ZNF644: variants seen among roughly 807,000 people sequenced by gnomAD.
ZNF644 encodes the protein zinc finger protein 644.
A neutral mutation model predicts 108.0 loss-of-function variants in ZNF644; 20 were observed. That is an observed-to-expected ratio of 0.19 (90% CI 0.13 to 0.27). The LOEUF is 0.27. ZNF644 is among the 10% of genes least tolerant of loss of function. The pLI, the probability that ZNF644 is intolerant of heterozygous loss-of-function variation, is 1.00. For missense variants in ZNF644, 1,338 were observed against 1,548.9 expected (o/e 0.86, Z 2.29); for synonymous variants, 542 against 539.1 (o/e 1.01, Z -0.08).
chr1:90,972,145 T>C (rs1469846862), intron 2 of ZNF644, among the ~76,000 whole-genome samples: 9 of 152,140 alleles, frequency 5.9e-5, no homozygotes, highest in East Asian at 3.9e-4. Context: ...CAAAGACTAA[T>C]TGAACTTTGT....
At chr1:90,993,645 G>C (rs1009483255) in intron 1 of ZNF644, among the ~76,000 whole-genome samples, 1 of 152,046 alleles carries the variant, frequency 6.6e-6, no homozygotes, top group Non-Finnish European at 1.5e-5. Flanking sequence ...TGAAGACAAG[G>C]GGGGAAAAAG....
At chr1:91,009,620 TA>T (rs1424352540) in intron 1 of ZNF644, among the ~76,000 whole-genome samples, 1 of 152,200 alleles carries the variant, frequency 6.6e-6, no homozygotes, top group African/African-American at 2.4e-5. Context: ...TAATGTCTCT[TA>T]AGCCATGGCT....
chr1:90,924,808 C>T (rs1316252808), intron 4 of ZNF644, among the ~76,000 whole-genome samples: 1 of 151,834 alleles, frequency 6.6e-6, no homozygotes, highest in East Asian at 1.9e-4. Flanking sequence ...CCTTGGATAA[C>T]AAGAATTAAC....
chr1:90,989,204 C>T (rs1657399325), intron 1 of ZNF644, among the ~76,000 whole-genome samples: 1 of 152,012 alleles, frequency 6.6e-6, no homozygotes, highest in African/African-American at 2.4e-5. Flanking sequence ...AAAAATGGGC[C>T]AAGTACTTCA....
chr1:90,966,301 A>T (rs1570453621), intron 2 of ZNF644, among the ~76,000 whole-genome samples: 1 of 152,258 alleles, frequency 6.6e-6, no homozygotes, highest in East Asian at 1.9e-4. Flanking sequence ...CTAACACCTG[A>T]TACATTATTA....
chr1:90,936,370 A>G (rs1651320017), intron 4 of ZNF644, among the ~76,000 whole-genome samples: 1 of 152,198 alleles, frequency 6.6e-6, no homozygotes, highest in South Asian at 2.1e-4. Context: ...CCCTTCTGAA[A>G]AAATATTGAA....
intron 4 of ZNF644, among the ~76,000 whole-genome samples, chr1:90,928,092 T>A (rs2100841579): frequency 6.6e-6 from 1 of 152,086 alleles, no homozygotes; most frequent in Admixed American, 6.5e-5. Flanking sequence ...GTGATCCGCC[T>A]GCCTCGGCCT....
chr1:90,943,719 T>C (rs1652243471), intron 2 of ZNF644, among the ~76,000 whole-genome samples: 1 of 152,142 alleles, frequency 6.6e-6, no homozygotes, highest in South Asian at 2.1e-4. Context: ...TCCAAAATGG[T>C]GCTAATGCAT....
chr1:90,943,854 T>C (rs1173340236), intron 2 of ZNF644, among the ~76,000 whole-genome samples: 1 of 152,186 alleles, frequency 6.6e-6, no homozygotes, highest in Non-Finnish European at 1.5e-5. Context: ...TACACTACCA[T>C]TCATTCCTGA....
intron 2 of ZNF644, among the ~76,000 whole-genome samples, chr1:90,979,094 C>T (rs531626752): frequency 6.6e-6 from 1 of 152,296 alleles, no homozygotes; most frequent in East Asian, 1.9e-4. Flanking sequence ...GCCAACCCAA[C>T]TAGCCAAATT....
At chr1:90,960,344 G>A (rs970846336) in intron 2 of ZNF644, among the ~76,000 whole-genome samples, 2 of 152,082 alleles carry the variant, frequency 1.3e-5, no homozygotes, top group African/African-American at 4.8e-5. Context: ...TATGAACGTG[G>A]TGCATTTTAA....
intron 1 of ZNF644, among the ~76,000 whole-genome samples, chr1:91,002,488 C>A (rs1027417988): frequency 6.6e-6 from 1 of 152,076 alleles, no homozygotes; most frequent in Admixed American, 6.6e-5. Context: ...GTAGAAAGCT[C>A]AAACTGGATC....
chr1:90,943,873 A>C (rs1157630847), intron 2 of ZNF644, among the ~76,000 whole-genome samples: 4 of 152,228 alleles, frequency 2.6e-5, no homozygotes, highest in Admixed American at 6.5e-5. Context: ...GATATTTCTC[A>C]TTAAATTAGG....
intron 1 of ZNF644, among the ~76,000 whole-genome samples, chr1:90,989,555 G>A (rs1234592281): frequency 6.6e-6 from 1 of 152,010 alleles, no homozygotes; most frequent in Admixed American, 6.6e-5. Context: ...AAAAAATATT[G>A]TAAGAAAGAA....
At chr1:90,917,662 T>C (rs1205834113) in intron 5 of ZNF644, among the ~76,000 whole-genome samples, 1 of 152,128 alleles carries the variant, frequency 6.6e-6, no homozygotes, top group Non-Finnish European at 1.5e-5. Context: ...AAAGCCTGGC[T>C]AATTTTGGTA....
At chr1:90,984,590 A>G (rs1209014794) in intron 1 of ZNF644, among the ~76,000 whole-genome samples, 1 of 152,128 alleles carries the variant, frequency 6.6e-6, no homozygotes, top group Non-Finnish European at 1.5e-5. Context: ...ACAGGGTTTC[A>G]CCATATTGGC....
chr1:91,011,408 T>C (rs1449909018), intron 1 of ZNF644, among the ~76,000 whole-genome samples: 1 of 152,194 alleles, frequency 6.6e-6, no homozygotes, highest in African/African-American at 2.4e-5. Flanking sequence ...CCAGATATAC[T>C]AGAATGTGAA....
At chr1:90,923,056 T>C (rs1040866500) in intron 4 of ZNF644, among the ~76,000 whole-genome samples, 4 of 152,164 alleles carry the variant, frequency 2.6e-5, no homozygotes, top group Admixed American at 6.5e-5. Context: ...GAAAGCCAAT[T>C]GCTGAGAAGC....
rs747715755 is a variant in ZNF644 at position 90,938,743 on chromosome 1, T to C, written c.2611A>G (p.Thr871Ala). Residue 871 changes from threonine to alanine, a missense_variant, in exon 3 of 6, where the codon ACA (threonine) becomes GCA (alanine). Thr to Ala is a moderately conservative substitution (Grantham distance 58, BLOSUM62 0). Transcript: ENST00000337393. This position sits in a 1 kb window ranked among gnomAD's most constrained non-coding sequence, Gnocchi z 4.2. ...WDNVELGDYT[T>A]QAIEDETYSD... The stretch of plus-strand genomic sequence containing the variant: ...TAGGTTTCATCTTCTATGGCCTGTG[T>C]AGTGTAGTCTCCTAACTCAACATTA... The C allele has an allele frequency of 1.5e-5, 25 of 1,613,978 alleles. No homozygotes were observed. The highest frequency in any genetic ancestry group is 1.9e-5 in the Non-Finnish European group (22 of 1,179,898).
Sources: gnomAD v4.1 joint callset for allele counts (sites outside exome capture counted in the v4.1 genomes callset) on GRCh38, gnomAD v4.1.1 for gene constraint, Gnocchi (gnomAD v3.1) non-coding constraint, MANE v1.5 for transcripts, NCBI Gene and HGNC (gene_info 2026-07-23, HGNC 2026-07-21) for gene names.